SEMA6D: variants seen among roughly 807,000 people sequenced by gnomAD.
The protein encoded by SEMA6D is semaphorin 6D, also known as semaphorin-6D.
SEMA6D carries 35 observed loss-of-function variants against 106.6 expected under a neutral mutation model. The observed-to-expected ratio is 0.33, with a 90% confidence interval of 0.25 to 0.44. SEMA6D has a LOEUF of 0.44. SEMA6D is among the 20% of genes least tolerant of loss of function. The probability of loss-of-function intolerance (pLI) is 1.00; values close to 1 mark genes in which losing one functional copy is unlikely to be tolerated. For synonymous variants in SEMA6D, 499 were observed against 487.7 expected, an observed-to-expected ratio of 1.02 and a Z score of -0.31; for missense variants, 1,185 against 1,345.9, an observed-to-expected ratio of 0.88 and a Z score of 1.87.
intron 2 of SEMA6D, among the ~76,000 whole-genome samples, chr15:47,417,152 T>A (rs2140356061): frequency 6.6e-6 from 1 of 152,146 alleles, no homozygotes; most frequent in South Asian, 2.1e-4. Context: ...CTGCAAAAAT[T>A]TTTAATTAAA....
intron 4 of SEMA6D, among the ~76,000 whole-genome samples, chr15:47,683,872 C>T (rs554834591): frequency 6.6e-6 from 1 of 152,312 alleles, no homozygotes; most frequent in East Asian, 1.9e-4. Context: ...TAATGTATAA[C>T]TAGTGTTACC....
intron 1 of SEMA6D, among the ~76,000 whole-genome samples, chr15:47,227,554 GTCTC>G (rs375441155): frequency 2.2e-5 from 3 of 134,858 alleles, no homozygotes; most frequent in African/African-American, 8.4e-5. Context: ...CTCTCTCTCT[GTCTC>G]TCTCTCTCTC....
At chr15:47,497,188 T>C (rs2043694507) in intron 3 of SEMA6D, among the ~76,000 whole-genome samples, 1 of 152,100 alleles carries the variant, frequency 6.6e-6, no homozygotes, top group South Asian at 2.1e-4. Flanking sequence ...TTTATTCTTT[T>C]GTCTCTGTGT....
In SEMA6D at chr15:47,242,756, C is replaced by T. The variant is rs377511364; in HGVS notation, c.-239+58338C>T. On this transcript the variant is annotated intron_variant, in intron 1 of 19. Coordinates refer to the SEMA6D transcript ENST00000558014. ...ATTATTTCCGATTATAAAAGCAACC[C>T]CTGATCATTATACAAAATCTGGAAA... Among the ~76,000 whole-genome samples the T allele has an allele frequency of 1.8e-3, 267 of 151,968 alleles. 12 individuals carry two copies. The South Asian group carries it at 0.053, about 30-fold the overall frequency.
chr15:47,459,909 C>T (rs2042452799), intron 2 of SEMA6D, among the ~76,000 whole-genome samples: 1 of 152,028 alleles, frequency 6.6e-6, no homozygotes. Flanking sequence ...CTAAATAACA[C>T]ATGAATTTAT....
intron 1 of SEMA6D, among the ~76,000 whole-genome samples, chr15:47,282,755 A>G (rs908910070): frequency 6.6e-6 from 1 of 152,144 alleles, no homozygotes; most frequent in Non-Finnish European, 1.5e-5. Context: ...TTTAATGTAG[A>G]TGATGCTATG....
intron 4 of SEMA6D, among the ~76,000 whole-genome samples, chr15:47,701,978 C>A (rs573555115): frequency 3.9e-5 from 6 of 152,146 alleles, no homozygotes; most frequent in Admixed American, 3.9e-4. Flanking sequence ...TGGCCCACTG[C>A]GGTCAAAACT....
intron 2 of SEMA6D, among the ~76,000 whole-genome samples, chr15:47,446,087 T>C (rs932151609): frequency 1.3e-5 from 2 of 152,178 alleles, no homozygotes; most frequent in African/African-American, 4.8e-5. Flanking sequence ...CATGCACATT[T>C]CCTTCATTCT....
intron 1 of SEMA6D, among the ~76,000 whole-genome samples, chr15:47,249,444 GTT>G (rs74517697): frequency 1.1e-4 from 16 of 147,676 alleles, no homozygotes; most frequent in East Asian, 4.0e-4. Flanking sequence ...ACAAAATCAT[GTT>G]TTTTTTTTTC....
chr15:47,503,138 T>C (rs1402115006), intron 3 of SEMA6D, among the ~76,000 whole-genome samples: 1 of 152,228 alleles, frequency 6.6e-6, no homozygotes, highest in Non-Finnish European at 1.5e-5. Context: ...GTATGTTAGA[T>C]GTCCTAGGGA....
chr15:47,542,892 G>C (rs369754113), intron 3 of SEMA6D, among the ~76,000 whole-genome samples: 3 of 152,104 alleles, frequency 2.0e-5, no homozygotes, highest in Non-Finnish European at 4.4e-5. Context: ...CAATGACTGT[G>C]CATCTGTTCA....
chr15:47,447,965 C>T (rs903391604), intron 2 of SEMA6D, among the ~76,000 whole-genome samples: 9 of 152,140 alleles, frequency 5.9e-5, no homozygotes, highest in Non-Finnish European at 1.2e-4. Flanking sequence ...CATTTGGTCA[C>T]AGAAGTTTTC....
intron 1 of SEMA6D, among the ~76,000 whole-genome samples, chr15:47,292,157 A>G (rs1159917704): frequency 6.6e-6 from 1 of 152,260 alleles, no homozygotes; most frequent in East Asian, 1.9e-4. Context: ...TGAACATTGA[A>G]TATTGATTGA....
chr15:47,578,105 G>T (rs912681387), intron 3 of SEMA6D, among the ~76,000 whole-genome samples: 1 of 152,170 alleles, frequency 6.6e-6, no homozygotes, highest in African/African-American at 2.4e-5. Context: ...GATGGAGAAA[G>T]TGAGCTACAG....
At chr15:47,365,583 G>A (rs959277396) in intron 1 of SEMA6D, among the ~76,000 whole-genome samples, 3 of 152,086 alleles carry the variant, frequency 2.0e-5, no homozygotes, top group East Asian at 1.9e-4. Flanking sequence ...AATCCGGGCC[G>A]GGCATGGTGG....
chr15:47,663,634 C>A lies in SEMA6D; in HGVS notation c.-55+62738C>A, dbSNP rs925276198. On this transcript the variant is annotated intron_variant, in intron 4 of 19. Coordinates refer to the SEMA6D transcript ENST00000558014. ...AGGGAATACAGTGATCATAGTTCTT[C>A]ACCAGAATTCTGGAAACGACACCCC... Among the ~76,000 whole-genome samples the A allele has an allele frequency of 3.3e-5, 5 of 152,172 alleles. No individual in the cohort carries two copies. The South Asian group carries it at 1.0e-3, about 32-fold the overall frequency.
rs554458496 is a variant in SEMA6D, at chr15:47,752,368, C to T, written c.-54-7377C>T. 1.3e-4 allele frequency among the ~76,000 whole-genome samples: 20 copies of T among 152,252 alleles called. No individual in the cohort carries two copies. The South Asian group carries it at 4.1e-3, about 32-fold the overall frequency. On this transcript the variant is annotated intron_variant, in intron 1 of 18. Transcript: ENST00000536845. ...AAATGAAATAGGACTGGAAAATGTC[C>T]GTTGCCTTTAGGTACTTGTAGGTCA...
intron 3 of SEMA6D, among the ~76,000 whole-genome samples, chr15:47,576,127 A>G (rs987590010): frequency 2.6e-5 from 4 of 152,226 alleles, no homozygotes; most frequent in African/African-American, 4.8e-5. Flanking sequence ...TCAGGAATCA[A>G]TGTATTGCCT....
chr15:47,436,710 C>G (rs1021593078), intron 2 of SEMA6D, among the ~76,000 whole-genome samples: 1 of 149,086 alleles, frequency 6.7e-6, no homozygotes, highest in African/African-American at 2.5e-5. Context: ...GCCAAAGGAT[C>G]CCTTGAGGCC....
Sources: gnomAD v4.1 joint callset for allele counts (sites outside exome capture counted in the v4.1 genomes callset) on GRCh38, gnomAD v4.1.1 for gene constraint, MANE v1.5 for transcripts, NCBI Gene and HGNC (gene_info 2026-07-23, HGNC 2026-07-21) for gene names.